Variants in HSPA12A observed in about 807,000 individuals in gnomAD.
HSPA12A encodes the protein heat shock protein family A (Hsp70) member 12A, also known as heat shock 70 kDa protein 12A.
A neutral mutation model predicts 69.2 loss-of-function variants in HSPA12A; 28 were observed. The observed-to-expected ratio is 0.40, with a 90% CI of 0.30 to 0.55. The LOEUF is 0.55. Among genes scored for constraint, HSPA12A ranks in the 20% least tolerant of loss-of-function variants. The pLI is 0.38. For missense variants in HSPA12A, 686 were observed against 900.7 expected, an observed-to-expected ratio of 0.76 and a Z score of 3.05; for synonymous variants, 345 against 370.5, an observed-to-expected ratio of 0.93 and a Z score of 0.79.
intron 2 of HSPA12A, among the ~76,000 whole-genome samples, chr10:116,819,546 CTA>C (rs770599580): frequency 6.4e-4 from 98 of 152,286 alleles, no homozygotes; most frequent in Non-Finnish European, 9.8e-4. Context: ...AAGGCACCAC[CTA>C]TGAGGAACGA....
intron 2 of HSPA12A, among the ~76,000 whole-genome samples, chr10:116,811,022 C>A (rs928528422): frequency 6.6e-6 from 1 of 152,116 alleles, no homozygotes; most frequent in Non-Finnish European, 1.5e-5. Flanking sequence ...ACAAGGGAAA[C>A]AAACCATAGG....
At chr10:116,812,188 C>T (rs1479571811) in intron 2 of HSPA12A, among the ~76,000 whole-genome samples, 3 of 152,166 alleles carry the variant, frequency 2.0e-5, no homozygotes, top group Non-Finnish European at 4.4e-5. Flanking sequence ...CACGCTGGCT[C>T]ATGTCTGTAA....
intron 2 of HSPA12A, among the ~76,000 whole-genome samples, chr10:116,820,131 T>A (rs1845384298): frequency 6.6e-6 from 1 of 152,212 alleles, no homozygotes; most frequent in Admixed American, 6.5e-5. Flanking sequence ...CCAATTTATG[T>A]GTTTTTAGTT....
rs1398920250 is a variant in HSPA12A, at chr10:116,698,702, C to G, written c.479G>C (p.Gly160Ala). 6.2e-7 allele frequency: 1 copy of G among 1,613,980 alleles called. No individual in the cohort carries two copies. Among genetic ancestry groups the G allele is most frequent in the African/African-American group, 1.3e-5 (1 of 74,950 alleles). ...TMDTDLTAAN[G>A]KKVKALEIFA... is the part of the protein sequence containing the mutation. ...GATTTCAAGGGCTTTGACTTTCTTG[C>G]CATTTGCTGCCGTCAGGTCTGTATC... Residue 160 changes from glycine to alanine, a missense_variant, in exon 5 of 12, where the codon GGC becomes GCC. By Grantham distance (60) the Gly-to-Ala change is moderately conservative. Coordinates refer to ENST00000369209, the MANE Select transcript of HSPA12A (RefSeq NM_025015.3).
upstream of HSPA12A, among the ~76,000 whole-genome samples, chr10:116,744,668 C>T (rs1054529983): frequency 6.6e-6 from 1 of 152,238 alleles, no homozygotes; most frequent in Non-Finnish European, 1.5e-5. Context: ...ATGCTCATCA[C>T]ACTAATTACA....
At chr10:116,735,628 C>A (rs1454067293) in intron 1 of HSPA12A, among the ~76,000 whole-genome samples, 1 of 152,118 alleles carries the variant, frequency 6.6e-6, no homozygotes, top group African/African-American at 2.4e-5. Flanking sequence ...GTGTTGCAGT[C>A]ACATAAGTGA....
chr10:116,705,307 T>C, intron 2 of HSPA12A, 29 bp from the exon 3 acceptor site: 1 of 1,611,830 alleles, frequency 6.2e-7, no homozygotes, highest in South Asian at 1.1e-5. Flanking sequence ...GCATGGGGGG[T>C]GTGGAGGGGT....
chr10:116,679,710 T>A lies in HSPA12A; in HGVS notation c.1079A>T (p.Tyr360Phe). Residue 360 changes from tyrosine to phenylalanine, a missense_variant, in exon 10 of 12, where the codon TAT becomes TTT. Physicochemically the swap from Tyr to Phe is conservative, Grantham distance 22. Coordinates refer to ENST00000369209, the MANE Select transcript of HSPA12A (RefSeq NM_025015.3). The part of the protein sequence containing the change: ...GVDYEFEKLL[Y>F]KIFGEDFIEQ... ...AATAAAATCCTCTCCAAATATTTTATACAGAAGTTTTTCGAACTCATAATC... is the reference window on the plus strand; with the variant it reads ...AATAAAATCCTCTCCAAATATTTTAAACAGAAGTTTTTCGAACTCATAATC... 1 of 1,614,202 alleles carries A rather than the reference T, an allele frequency of 6.2e-7. No individual in the cohort carries two copies. Among genetic ancestry groups the A allele is most frequent in the South Asian group, 1.1e-5 (1 of 91,082 alleles).
At chr10:116,754,699 C>T (rs1762378476) in intron 2 of HSPA12A, among the ~76,000 whole-genome samples, 1 of 152,166 alleles carries the variant, frequency 6.6e-6, no homozygotes, top group African/African-American at 2.4e-5. Context: ...AACAGAATGA[C>T]CGATCTTGTC....
intron 1 of HSPA12A, among the ~76,000 whole-genome samples, chr10:116,840,533 G>T (rs966877609): frequency 1.3e-5 from 2 of 152,296 alleles, no homozygotes; most frequent in South Asian, 4.1e-4. Flanking sequence ...ATAAAGAAAA[G>T]AAAGCATTTA....
intron 1 of HSPA12A, among the ~76,000 whole-genome samples, chr10:116,717,420 G>A (rs990333718): frequency 3.3e-5 from 5 of 152,242 alleles, no homozygotes; most frequent in Admixed American, 6.5e-5. Flanking sequence ...ACTGTGTGGC[G>A]TATTCTTTGG....
At chr10:116,690,581 A>C (rs1276538436) in intron 6 of HSPA12A, among the ~76,000 whole-genome samples, 1 of 152,170 alleles carries the variant, frequency 6.6e-6, no homozygotes, top group Non-Finnish European at 1.5e-5. Flanking sequence ...CCGAAAGCAA[A>C]TTCCCCACAT....
chr10:116,809,635 C>G (rs1345424366), intron 2 of HSPA12A, among the ~76,000 whole-genome samples: 2 of 152,194 alleles, frequency 1.3e-5, no homozygotes, highest in Non-Finnish European at 2.9e-5. Context: ...CGGGGACTGT[C>G]TGCGGGGGAA....
chr10:116,789,254 C>T (rs4450104), intron 2 of HSPA12A, among the ~76,000 whole-genome samples: 132,990 of 152,072 alleles, frequency 0.87, 58,834 homozygotes, highest in South Asian at 0.95. Flanking sequence ...CAAAATAATA[C>T]GTATAGAAGT....
chr10:116,781,314 G>T (rs1349215411), intron 2 of HSPA12A, among the ~76,000 whole-genome samples: 3 of 151,550 alleles, frequency 2.0e-5, no homozygotes, highest in Non-Finnish European at 4.4e-5. Flanking sequence ...AAAAAAAAAT[G>T]GATTTCCTCT....
chr10:116,747,039 G>A (rs1554887875), upstream of HSPA12A, among the ~76,000 whole-genome samples: 1 of 152,234 alleles, frequency 6.6e-6, no homozygotes, highest in African/African-American at 2.4e-5. Flanking sequence ...CTGGGCAAAT[G>A]TCAGCCGCCT....
intron 2 of HSPA12A, among the ~76,000 whole-genome samples, chr10:116,798,161 G>T (rs895518427): frequency 6.6e-6 from 1 of 150,916 alleles, no homozygotes; most frequent in Admixed American, 6.6e-5. Flanking sequence ...CAATGTGGAC[G>T]GTAGAGGGGC....
At chr10:116,831,548 C>T (rs1340265081) in intron 2 of HSPA12A, 1 of 152,160 alleles carries the variant, frequency 6.6e-6, no homozygotes, top group Non-Finnish European at 1.5e-5. Context: ...AATGGAATAA[C>T]AAAATCAAAT....
intron 2 of HSPA12A, among the ~76,000 whole-genome samples, chr10:116,757,845 G>T (rs1195385240): frequency 6.6e-6 from 1 of 152,180 alleles, no homozygotes; most frequent in Non-Finnish European, 1.5e-5. Flanking sequence ...CGACCTATTA[G>T]AATGGCCACA....
Sources: allele counts gnomAD v4.1 joint callset (sites outside exome capture counted in the v4.1 genomes callset), GRCh38; gene constraint gnomAD v4.1.1; transcripts MANE v1.5; gene names NCBI Gene and HGNC (gene_info 2026-07-23, HGNC 2026-07-21).